Variants in GC observed in about 807,000 individuals in gnomAD.
The protein encoded by GC is GC vitamin D binding protein.
GC carries 43 observed loss-of-function variants against 56.7 expected under a neutral mutation model. That is an observed-to-expected ratio of 0.76 (90% CI 0.59 to 0.98). GC has a LOEUF of 0.98. GC is among the 50% of genes least tolerant of loss of function. GC has a pLI of 0.00. For missense variants in GC, 529 were observed against 545.9 expected, an observed-to-expected ratio of 0.97 and a Z score of 0.31; for synonymous variants, 216 against 202.7, an observed-to-expected ratio of 1.07 and a Z score of -0.56.
At chr4:71,800,545 T>C (rs967986327) in intron 1 of GC, among the ~76,000 whole-genome samples, 1 of 152,174 alleles carries the variant, frequency 6.6e-6, no homozygotes, top group Non-Finnish European at 1.5e-5. Context: ...TAAATATACG[T>C]GTGCATATAT....
intron 11 of GC, among the ~76,000 whole-genome samples, chr4:71,747,405 A>G (rs1205964618): frequency 3.9e-5 from 6 of 152,204 alleles, no homozygotes; most frequent in Admixed American, 3.9e-4. Flanking sequence ...TTTAAGAGAC[A>G]GGTAAAGGAA....
intron 1 of GC, among the ~76,000 whole-genome samples, chr4:71,781,828 A>T (rs550525015): frequency 5.7e-4 from 86 of 151,966 alleles, no homozygotes; most frequent in African/African-American, 2.0e-3. Flanking sequence ...TGGGAACAAG[A>T]TTCCCAATGC....
intron 1 of GC, among the ~76,000 whole-genome samples, chr4:71,798,030 C>A (rs771774645): frequency 1.3e-5 from 2 of 152,216 alleles, no homozygotes; most frequent in Non-Finnish European, 2.9e-5. Context: ...TCAGTTTCTT[C>A]AACCTTTGTT....
chr4:71,756,785 G>T lies in GC; in HGVS notation c.961C>A (p.Pro321Thr), dbSNP rs1741787538. Reference protein sequence around the residue: ...CTYFMPAAQLPELPDVELPTN... With the variant: ...CTYFMPAAQLTELPDVELPTN... ...GGCAACTCTACATCTGGAAGCTCGG[G>T]GAGTTGGGCAGCTGGCATGAAGTAA... is the stretch of plus-strand genomic sequence containing the variant. The change falls in exon 8 of 13, where the codon CCC becomes ACC. Residue 321 changes from proline (P) to threonine (T), a missense_variant. By Grantham distance (38) the Pro-to-Thr change is conservative. Transcript: ENST00000273951. 1 of 1,613,822 alleles carries T rather than the reference G, an allele frequency of 6.2e-7. No individual in the cohort carries two copies.
intron 1 of GC, among the ~76,000 whole-genome samples, chr4:71,769,810 C>T (rs1742289425): frequency 6.6e-6 from 1 of 151,998 alleles, no homozygotes; most frequent in African/African-American, 2.4e-5. Context: ...TCAGTTTTAC[C>T]TAAGGCCTGA....
intron 9 of GC, among the ~76,000 whole-genome samples, chr4:71,754,743 A>G (rs1741666284): frequency 6.6e-6 from 1 of 152,216 alleles, no homozygotes; most frequent in South Asian, 2.1e-4. Flanking sequence ...ATTGTGTCCC[A>G]GTGGAAGTTA....
At chr4:71,768,254 C>T in intron 3 of GC, 47 bp downstream of exon 3, 1 of 1,510,680 alleles carries the variant, frequency 6.6e-7, no homozygotes, top group Non-Finnish European at 8.9e-7. Context: ...CCTATTTTGG[C>T]TTCCTTCTCT....
chr4:71,752,715 A>G lies in GC; in HGVS notation c.1263-65T>C. 3.8e-6 allele frequency: 5 copies of G among 1,313,390 alleles called. 1 individual carries two copies. In the South Asian group the frequency reaches 6.3e-5, roughly 17 times the overall value. 81.4% of individuals were successfully genotyped at this position (1,313,390 alleles called of 1,614,324 possible). On this transcript the variant is annotated intron_variant, in intron 10 of 12. Coordinates refer to ENST00000273951, the MANE Select transcript of GC (RefSeq NM_000583.4). ...TTATTTTATACAAATTTCTAATGCA[A>G]AATAATAGCCATTTCAGATCTTTTA...
chr4:71,756,842 C>T lies in GC; in HGVS notation c.904G>A (p.Glu302Lys), dbSNP rs1741791104. The T allele has an allele frequency of 6.2e-7, 1 of 1,613,384 alleles. No individual in the cohort carries two copies. The highest frequency in any genetic ancestry group is 2.2e-5 in the East Asian group (1 of 44,864). ...ACAAAAACGTCCATGGCTGTTTTTT[C>T]TTGACAACAGTCTTCAAACTTAGAA... The part of the protein sequence containing the change: ...KNSKFEDCCQ[E>K]KTAMDVFVCT... Residue 302 changes from glutamate to lysine, a missense_variant, in exon 8 of 13, where the codon GAA becomes AAA. Coordinates refer to ENST00000273951, the MANE Select transcript of GC (RefSeq NM_000583.4).
intron 1 of GC, among the ~76,000 whole-genome samples, chr4:71,803,235 T>C (rs1238453655): frequency 1.3e-5 from 2 of 152,212 alleles, no homozygotes; most frequent in African/African-American, 4.8e-5. Context: ...CTTTGTGTGA[T>C]GCCATACCTG....
intron 3 of GC, among the ~76,000 whole-genome samples, chr4:71,766,589 T>G (rs1258623274): frequency 6.6e-6 from 1 of 152,188 alleles, no homozygotes; most frequent in Non-Finnish European, 1.5e-5. Flanking sequence ...AATTTATAAG[T>G]TAGTCATCTT....
intron 1 of GC, among the ~76,000 whole-genome samples, chr4:71,794,954 G>A (rs1348181506): frequency 3.3e-5 from 5 of 152,158 alleles, no homozygotes; most frequent in African/African-American, 1.2e-4. Flanking sequence ...CAGTTTGCAT[G>A]TACTTGTGCA....
chr4:71,787,859 T>C (rs1187418772), upstream of GC, among the ~76,000 whole-genome samples: 2 of 151,858 alleles, frequency 1.3e-5, no homozygotes, highest in South Asian at 2.1e-4. Flanking sequence ...ATATCCAAAA[T>C]AGAAGACACT....
chr4:71,803,934 A>G, exon 1 of GC: 1 of 1,507,546 alleles, frequency 6.6e-7, no homozygotes, highest in Non-Finnish European at 8.9e-7. Flanking sequence ...ACCTCACTCC[A>G]AGACCACAGC....
intron 10 of GC, among the ~76,000 whole-genome samples, chr4:71,752,884 G>T (rs1741602579): frequency 6.6e-6 from 1 of 152,126 alleles, no homozygotes; most frequent in Admixed American, 6.5e-5. Context: ...TGAATTGGAA[G>T]TCCAGTCTTC....
intron 11 of GC, among the ~76,000 whole-genome samples, chr4:71,752,262 TCA>T (rs1162689778): frequency 2.6e-5 from 4 of 152,230 alleles, no homozygotes; most frequent in Admixed American, 6.5e-5. Flanking sequence ...TTGCCTGTGT[TCA>T]CAGACTCTTT....
At chr4:71,791,212 T>A (rs1578321694) in intron 1 of GC, among the ~76,000 whole-genome samples, 1 of 152,266 alleles carries the variant, frequency 6.6e-6, no homozygotes, top group East Asian at 1.9e-4. Context: ...GTACTATTTT[T>A]AAAATACCTT....
intron 4 of GC, 119 bp downstream of exon 4, chr4:71,765,313 A>G: frequency 1.3e-6 from 1 of 771,112 alleles, no homozygotes; most frequent in Admixed American, 1.9e-5. Flanking sequence ...ATGACAGTCA[A>G]GTTATCAGAA....
chr4:71,779,609 C>T (rs1742612793), intron 1 of GC, among the ~76,000 whole-genome samples: 1 of 151,650 alleles, frequency 6.6e-6, no homozygotes. Flanking sequence ...GTTAGGTGAC[C>T]AAAAATACTG....
Sources: allele counts gnomAD v4.1 joint callset (sites outside exome capture counted in the v4.1 genomes callset), GRCh38; gene constraint gnomAD v4.1.1; transcripts MANE v1.5; gene names NCBI Gene and HGNC (gene_info 2026-07-23, HGNC 2026-07-21).